Variants in BDKRB2 observed in about 807,000 individuals in gnomAD.
The protein encoded by BDKRB2 is bradykinin receptor B2.
In BDKRB2, 6 loss-of-function variants were observed where a neutral mutation model predicts 4.0. That is an observed-to-expected ratio of 1.49 (90% CI 0.81 to 2.93). BDKRB2 has a LOEUF of 2.93. BDKRB2 is among the 30% of genes most tolerant of loss of function. BDKRB2 has a pLI of 0.00. For missense variants in BDKRB2, 478 were observed against 520.1 expected, an observed-to-expected ratio of 0.92 and a Z score of 0.79; for synonymous variants, 225 against 215.3, an observed-to-expected ratio of 1.05 and a Z score of -0.40.
At chr14:96,238,022 G>A (rs531259346) in intron 2 of BDKRB2, 141 of 1,166,930 alleles carry the variant, frequency 1.2e-4, no homozygotes, top group Non-Finnish European at 1.5e-4. Context: ...GTTGGACCAA[G>A]GGGACTACCC....
intron 1 of BDKRB2, among the ~76,000 whole-genome samples, chr14:96,220,188 C>A (rs2139777197): frequency 6.6e-6 from 1 of 152,108 alleles, no homozygotes; most frequent in African/African-American, 2.4e-5. Context: ...AGCAGGAGCC[C>A]AAGTACCAGG....
At chr14:96,220,767 C>A (rs1281460127) in intron 1 of BDKRB2, among the ~76,000 whole-genome samples, 1 of 152,052 alleles carries the variant, frequency 6.6e-6, no homozygotes, top group Admixed American at 6.5e-5. Flanking sequence ...CCACCTTTGA[C>A]CATGTCCAGG....
At chr14:96,235,565 G>A (rs1354930335) in intron 1 of BDKRB2, among the ~76,000 whole-genome samples, 1 of 152,008 alleles carries the variant, frequency 6.6e-6, no homozygotes, top group Non-Finnish European at 1.5e-5. Context: ...CTGTGCTTAG[G>A]GGTTCCTGCA....
In BDKRB2 at chr14:96,241,630, TAAAAC is replaced by T; in HGVS notation, c.*128_*132del. The T allele has an allele frequency of 7.1e-7, 1 of 1,400,614 alleles. No individual in the cohort carries two copies. The highest frequency in any genetic ancestry group is 9.3e-7 in the Non-Finnish European group (1 of 1,078,442). The allele number at this position is 1,400,614 out of a possible 1,614,324, so 86.8% of individuals were successfully genotyped here. ...TTGGGAAATGAGTTGATGTCTCCGG[TAAAAC>T]ACCGGAGACTAATTCCTGCCCTGCC... is the stretch of plus-strand genomic sequence containing the variant. On this transcript the variant is annotated 3_prime_UTR_variant, in exon 3 of 3. Coordinates refer to ENST00000554311, the MANE Select transcript of BDKRB2 (RefSeq NM_001379692.1).
intron 1 of BDKRB2, among the ~76,000 whole-genome samples, chr14:96,230,417 C>T (rs1182576560): frequency 3.3e-5 from 5 of 152,204 alleles, no homozygotes; most frequent in South Asian, 2.1e-4. Flanking sequence ...GTTTTTGAGA[C>T]GGAGTCTCGC....
At chr14:96,208,378 A>G (rs971579729) in intron 1 of BDKRB2, among the ~76,000 whole-genome samples, 2 of 152,134 alleles carry the variant, frequency 1.3e-5, no homozygotes, top group Non-Finnish European at 2.9e-5. Context: ...ACATTCCAAA[A>G]AAGTCATCAC....
At chr14:96,239,603 T>C in intron 2 of BDKRB2, 1 of 983,912 alleles carries the variant, frequency 1.0e-6, no homozygotes. Context: ...CTAATGTTTA[T>C]TGAGCCTAGT....
chr14:96,232,239 G>C (rs1352251700), intron 1 of BDKRB2, among the ~76,000 whole-genome samples: 5 of 152,222 alleles, frequency 3.3e-5, no homozygotes, highest in African/African-American at 9.6e-5. Flanking sequence ...CTAGGAGATG[G>C]GGCTGTTTAA....
intron 1 of BDKRB2, among the ~76,000 whole-genome samples, chr14:96,231,465 C>T (rs1890817176): frequency 6.6e-6 from 1 of 152,176 alleles, no homozygotes; most frequent in Admixed American, 6.5e-5. Context: ...GTTGTTGAGG[C>T]TCATATGGTT....
intron 2 of BDKRB2, chr14:96,238,814 A>G (rs1595264897): frequency 5.1e-6 from 5 of 985,134 alleles, no homozygotes; most frequent in African/African-American, 1.8e-5. Context: ...GTGTCCCACA[A>G]CCCCCCTGCT....
At chr14:96,214,474 G>A (rs183538156) in intron 1 of BDKRB2, among the ~76,000 whole-genome samples, 1 of 152,318 alleles carries the variant, frequency 6.6e-6, no homozygotes, top group Non-Finnish European at 1.5e-5. Context: ...CCACAAGCGG[G>A]GACCTGGGCT....
chr14:96,212,252 A>G (rs2139768050), intron 1 of BDKRB2, among the ~76,000 whole-genome samples: 1 of 152,392 alleles, frequency 6.6e-6, no homozygotes, highest in Middle Eastern at 3.4e-3. Context: ...TACATCAAAG[A>G]GACAGATCAT....
chr14:96,237,640 G>A, intron 2 of BDKRB2: 1 of 1,270,108 alleles, frequency 7.9e-7, no homozygotes, highest in Non-Finnish European at 1.0e-6. Context: ...AGAGGATAGG[G>A]AGATCTGTTC....
intron 1 of BDKRB2, among the ~76,000 whole-genome samples, chr14:96,218,716 G>A (rs1890483879): frequency 6.6e-6 from 1 of 152,026 alleles, no homozygotes; most frequent in Non-Finnish European, 1.5e-5. Context: ...TCAAGAGTTC[G>A]AGACCAGCCT....
intron 1 of BDKRB2, among the ~76,000 whole-genome samples, chr14:96,213,745 C>T (rs958013372): frequency 1.3e-4 from 20 of 152,088 alleles, no homozygotes; most frequent in African/African-American, 4.8e-4. Flanking sequence ...TGCCTGAGCC[C>T]CAGGGCACCC....
At chr14:96,220,456 A>G (rs1380432673) in intron 1 of BDKRB2, among the ~76,000 whole-genome samples, 2 of 152,106 alleles carry the variant, frequency 1.3e-5, no homozygotes, top group African/African-American at 4.8e-5. Flanking sequence ...AATACAAGGA[A>G]GCTGACAGAT....
At chr14:96,232,683 G>A (rs952289436) in intron 1 of BDKRB2, among the ~76,000 whole-genome samples, 1 of 152,220 alleles carries the variant, frequency 6.6e-6, no homozygotes, top group Non-Finnish European at 1.5e-5. Context: ...TGAAAAAGGA[G>A]ATTACGCACA....
At chr14:96,239,984 A>T (rs1885228028) in intron 2 of BDKRB2, 82 of 992,452 alleles carry the variant, frequency 8.3e-5, no homozygotes, top group Non-Finnish European at 9.7e-5. Context: ...CTCTTTTAAT[A>T]AATTAACTCA....
chr14:96,230,001 G>A (rs1478097128), intron 1 of BDKRB2, among the ~76,000 whole-genome samples: 1 of 151,938 alleles, frequency 6.6e-6, no homozygotes, highest in African/African-American at 2.4e-5. Context: ...AGGTGTGGTG[G>A]CGGGCGCCTG....
Sources: allele counts gnomAD v4.1 joint callset (sites outside exome capture counted in the v4.1 genomes callset), GRCh38; gene constraint gnomAD v4.1.1; transcripts MANE v1.5; gene names NCBI Gene and HGNC (gene_info 2026-07-23, HGNC 2026-07-21).